The following FNTB variants were observed in gnomAD, a reference collection of about 807,000 sequenced individuals.
The protein encoded by FNTB is farnesyltransferase, CAAX box, subunit beta.
FNTB carries 27 observed loss-of-function variants against 59.4 expected under a neutral mutation model. The ratio of observed to expected loss-of-function variants is 0.45; its 90% CI spans 0.34 to 0.63. FNTB has a LOEUF of 0.63. Ranked by LOEUF, FNTB falls within the 20% of genes least tolerant of loss-of-function variation. FNTB has a pLI of 0.02. For missense variants in FNTB, 449 were observed against 559.6 expected (o/e 0.80, Z 1.99); for synonymous variants, 230 against 220.7 (o/e 1.04, Z -0.37).
rs145823255 is a variant in FNTB, at chr14:65,014,717, G to A, written c.283-908G>A. Among the ~76,000 whole-genome samples the A allele has an allele frequency of 5.4e-3, 819 of 152,276 alleles. 5 individuals are homozygous for A. Among genetic ancestry groups the A allele is most frequent in the African/African-American group, 0.019 (794 of 41,558 alleles). ...TAGTCCCAGCTACTTAGGAGGCTGA[G>A]GTGGGAGGATTGCTTGAGCCCGGGA... On this transcript the variant is annotated intron_variant, in intron 3 of 11. Coordinates refer to ENST00000246166, the MANE Select transcript of FNTB (RefSeq NM_002028.4). The surrounding 1 kb of genome is among the most constrained non-coding windows in gnomAD (Gnocchi z 5.1).
Position 65,054,530 on chromosome 14 carries a change from G to T in FNTB, c.1068-45G>T. 1.3e-6 allele frequency: 2 copies of T among 1,574,330 alleles called. No individual in the cohort carries two copies. The highest frequency in any genetic ancestry group is 1.7e-6 in the Non-Finnish European group (2 of 1,155,920). ...TTGGTGTGGCTACATTTGTAGATGT[G>T]TGCGGAGCAGAGGAGCGCCTGCTCA... On this transcript the variant is annotated intron_variant, in intron 10 of 11. Transcript: ENST00000246166. This position sits in a 1 kb window ranked among gnomAD's most constrained non-coding sequence, Gnocchi z 4.4.
Position 65,054,203 on chromosome 14 carries a change from C to G in FNTB, c.1068-372C>G, listed in dbSNP as rs1182480321. On this transcript the variant is annotated intron_variant, in intron 10 of 11. Transcript: ENST00000246166. The surrounding 1 kb of genome is among the most constrained non-coding windows in gnomAD (Gnocchi z 4.4). ...TCATGACTCACTGCAGCCTTCACCT[C>G]TTGGGCTCGAGTGATCCTCCTGCTT... Among the ~76,000 whole-genome samples, 1 of 152,126 alleles carries G rather than the reference C, an allele frequency of 6.6e-6. No individual in the cohort carries two copies. Among genetic ancestry groups the G allele is most frequent in the Non-Finnish European group, 1.5e-5 (1 of 68,042 alleles).
At chr14:65,024,789 A>T (rs930537179) in intron 4 of FNTB, among the ~76,000 whole-genome samples, 2 of 152,024 alleles carry the variant, frequency 1.3e-5, no homozygotes, top group Non-Finnish European at 2.9e-5. Context: ...GGGAAAAAAA[A>T]ATATTTTTTT....
chr14:65,027,446 T>A lies in FNTB; in HGVS notation c.375-7T>A. 6.2e-7 allele frequency: 1 copy of A among 1,614,132 alleles called. No individual in the cohort carries two copies. Among genetic ancestry groups the A allele is most frequent in the Non-Finnish European group, 8.5e-7 (1 of 1,180,008 alleles). On this transcript the variant is annotated splice_region_variant and splice_polypyrimidine_tract_variant and intron_variant, in intron 4 of 11. Transcript: ENST00000246166. This position sits in a 1 kb window ranked among gnomAD's most constrained non-coding sequence, Gnocchi z 5.7. ...ACTTTGTTTTTGCCCTTTGGCTGTG[T>A]ACCTAGTGTGTGTCAGTTCCTGGAG...
intron 9 of FNTB, among the ~76,000 whole-genome samples, chr14:65,050,793 A>T (rs1230106713): frequency 6.6e-6 from 1 of 152,254 alleles, no homozygotes; most frequent in Non-Finnish European, 1.5e-5. Context: ...AGTATCTATT[A>T]AAAGCCTTAA....
chr14:65,006,425 T>C (rs2061591658), intron 2 of FNTB: 1 of 1,342,172 alleles, frequency 7.5e-7, no homozygotes. Flanking sequence ...AGCTAGAGAT[T>C]AGCAAATGAC....
chr14:65,024,108 A>AAT (rs1461333851), intron 4 of FNTB, among the ~76,000 whole-genome samples: 1 of 151,856 alleles, frequency 6.6e-6, no homozygotes, highest in Non-Finnish European at 1.5e-5. Flanking sequence ...TCTCCTAAAA[A>AAT]AAAAAAAAAA....
At position 65,061,141 on chromosome 14, in the gene FNTB, C is replaced by T. The variant is rs149967784; in HGVS notation, c.1183-40C>T. ...AAGGATGTGTTATGTTTTCAAGGAC[C>T]ACCGGGGTGATTAACTGGCACCTTT... On this transcript the variant is annotated intron_variant, in intron 11 of 11. Coordinates refer to ENST00000246166, the MANE Select transcript of FNTB (RefSeq NM_002028.4). 7.9e-5 allele frequency: 128 copies of T among 1,611,590 alleles called. No homozygotes were observed. The African/African-American group carries it at 1.4e-3, about 18-fold the overall frequency.
At position 65,031,899 on chromosome 14, in the gene FNTB, C is replaced by T. The variant is rs769667233; in HGVS notation, c.606-711C>T. Reference sequence around the variant, plus strand: ...TCATACCACTGCACTCTAGCCTGGGCGACAGAGTGAGACCCTGTCTCAATA... The same window carrying T: ...TCATACCACTGCACTCTAGCCTGGGTGACAGAGTGAGACCCTGTCTCAATA... On this transcript the variant is annotated intron_variant, in intron 6 of 11. Coordinates refer to ENST00000246166, the MANE Select transcript of FNTB (RefSeq NM_002028.4). The surrounding 1 kb of genome is among the most constrained non-coding windows in gnomAD (Gnocchi z 4.6). Among the ~76,000 whole-genome samples the T allele has an allele frequency of 1.8e-4, 27 of 151,842 alleles. No individual in the cohort carries two copies. The highest frequency in any genetic ancestry group is 2.1e-4 in the Non-Finnish European group (14 of 67,942).
At chr14:65,008,675 C>T (rs961728132) in intron 2 of FNTB, among the ~76,000 whole-genome samples, 1 of 152,292 alleles carries the variant, frequency 6.6e-6, no homozygotes, top group Non-Finnish European at 1.5e-5. Context: ...ACAGCATGTG[C>T]TAAAGCCAGG....
rs1595052285 is a variant in FNTB at position 65,027,279 on chromosome 14, G to C, written c.375-174G>C. 5 of 970,334 alleles carry C rather than the reference G, an allele frequency of 5.2e-6. No individual in the cohort carries two copies. The East Asian group carries it at 1.2e-4, about 24-fold the overall frequency. The allele number at this position is 970,334 out of a possible 1,614,324, so 60.1% of individuals were successfully genotyped here. A position where few individuals can be genotyped will look rare whatever the true frequency, so the allele number is the denominator to read the frequency against. ...GGGCAGACAGAAATGATGATAGCTG[G>C]AGAGAGAATTAAGCCCTTTGGGGAG... On this transcript the variant is annotated intron_variant, in intron 4 of 11. Coordinates refer to ENST00000246166, the MANE Select transcript of FNTB (RefSeq NM_002028.4). The surrounding 1 kb of genome is among the most constrained non-coding windows in gnomAD (Gnocchi z 5.7).
In FNTB at chr14:64,987,419, C is replaced by T. The variant is rs1329095807; in HGVS notation, c.144+322C>T. Reference sequence around the variant, plus strand: ...CAGCCCGTGCGGGTCGGACAGCCCACTCTGTTCTGCCAGTACTTCGGGAGG... The same window carrying T: ...CAGCCCGTGCGGGTCGGACAGCCCATTCTGTTCTGCCAGTACTTCGGGAGG... On this transcript the variant is annotated intron_variant, in intron 1 of 11. Transcript: ENST00000246166. 7 of 415,076 alleles carry T rather than the reference C, an allele frequency of 1.7e-5. No individual in the cohort carries two copies. The East Asian group carries it at 2.4e-4, about 14-fold the overall frequency. The allele number at this position is 415,076 out of a possible 1,614,324, so 25.7% of individuals were successfully genotyped here.
rs375863801 is a variant in FNTB at position 65,043,715 on chromosome 14, G to A, written c.823-596G>A. Among the ~76,000 whole-genome samples, 1,054 of 151,098 alleles carry A rather than the reference G, an allele frequency of 7.0e-3. 10 individuals are homozygous for A. The highest frequency in any genetic ancestry group is 0.024 in the African/African-American group (990 of 41,204). ...CGGGCGCCTGTGGTCCCAGCTACTC[G>A]GGAGGCTGAGGCAGGAGAATGGCGT... On this transcript the variant is annotated intron_variant, in intron 8 of 11. Coordinates refer to ENST00000246166, the MANE Select transcript of FNTB (RefSeq NM_002028.4).
At chr14:65,000,490 T>A (rs1888552139) in intron 1 of FNTB, among the ~76,000 whole-genome samples, 1 of 152,108 alleles carries the variant, frequency 6.6e-6, no homozygotes, top group South Asian at 2.1e-4. Context: ...TACACTCTAA[T>A]TAGCAGCAGT....
rs2061916435 is a variant in FNTB at position 65,023,003 on chromosome 14, T to A, written c.375-4450T>A. Among the ~76,000 whole-genome samples the A allele has an allele frequency of 6.6e-6, 1 of 152,216 alleles. No homozygotes were observed. The highest frequency in any genetic ancestry group is 6.5e-5 in the Admixed American group (1 of 15,282). On this transcript the variant is annotated intron_variant, in intron 4 of 11. Transcript: ENST00000246166. This position sits in a 1 kb window ranked among gnomAD's most constrained non-coding sequence, Gnocchi z 4.1. ...CTGCTCATTTTGTATTATATGCTTA[T>A]TTACTGTACATGCCTTTGAATCCTT...
intron 4 of FNTB, among the ~76,000 whole-genome samples, chr14:65,026,392 G>A (rs932092085): frequency 6.6e-6 from 1 of 152,202 alleles, no homozygotes; most frequent in Non-Finnish European, 1.5e-5. Context: ...CCCTCAGTGA[G>A]GGAATGGGAG....
chr14:65,045,461 G>C (rs988851590), intron 9 of FNTB, among the ~76,000 whole-genome samples: 9 of 123,964 alleles, frequency 7.3e-5, no homozygotes, highest in Admixed American at 3.1e-4. Context: ...TGTCTCCCAG[G>C]CTGGAGTGCA....
At chr14:64,988,265 C>T (rs1888031879) in intron 1 of FNTB, among the ~76,000 whole-genome samples, 1 of 152,136 alleles carries the variant, frequency 6.6e-6, no homozygotes, top group Non-Finnish European at 1.5e-5. Flanking sequence ...CTAGCTAATT[C>T]TCCAGGTTGG....
At chr14:65,046,142 A>T (rs1255541066) in intron 9 of FNTB, among the ~76,000 whole-genome samples, 1 of 151,966 alleles carries the variant, frequency 6.6e-6, no homozygotes, top group Non-Finnish European at 1.5e-5. Context: ...ACGCCCAGCC[A>T]ATTTTGTATT....
Sources: gnomAD v4.1 joint callset for allele counts (sites outside exome capture counted in the v4.1 genomes callset) on GRCh38, gnomAD v4.1.1 for gene constraint, Gnocchi (gnomAD v3.1) non-coding constraint, MANE v1.5 for transcripts, NCBI Gene and HGNC (gene_info 2026-07-23, HGNC 2026-07-21) for gene names.